The following MBNL3 variants were observed in gnomAD, a reference collection of about 807,000 sequenced individuals.
MBNL3 encodes the protein muscleblind like splicing regulator 3.
A neutral mutation model predicts 24.5 loss-of-function variants in MBNL3; 6 were observed. The observed-to-expected ratio is 0.25, with a 90% confidence interval of 0.13 to 0.48. The LOEUF is 0.48. MBNL3 is among the 20% of genes least tolerant of loss of function. The pLI, the probability that MBNL3 is intolerant of heterozygous loss-of-function variation, is 0.99. For missense variants in MBNL3, 230 were observed against 293.5 expected, an observed-to-expected ratio of 0.78 and a Z score of 1.58; for synonymous variants, 100 against 101.7, an observed-to-expected ratio of 0.98 and a Z score of 0.10.
At chrX:132,436,090 A>C (rs1945101719) in intron 2 of MBNL3, among the ~76,000 whole-genome samples, 1 of 112,138 alleles carries the variant, frequency 8.9e-6, no homozygotes, top group Admixed American at 9.4e-5. Context: ...ATCAATGGCA[A>C]ACTGTAATAT....
intron 1 of MBNL3, among the ~76,000 whole-genome samples, chrX:132,464,164 A>T (rs1188874889): frequency 8.9e-6 from 1 of 112,611 alleles, no homozygotes; most frequent in Non-Finnish European, 1.9e-5. Flanking sequence ...TCAAAATACA[A>T]GTCCTTGTTT....
In MBNL3 at chrX:132,379,692, A is replaced by G. The variant is rs1934485288; in HGVS notation, c.1054-15T>C. 4.4e-6 allele frequency: 5 copies of G among 1,145,382 alleles called. No individual in the cohort carries two copies. Among genetic ancestry groups the G allele is most frequent in the Admixed American group, 4.5e-5 (2 of 44,815 alleles). The allele number at this position is 1,145,382 out of a possible 1,213,427, so 94.4% of individuals were successfully genotyped here. A position where few individuals can be genotyped will look rare whatever the true frequency, so the allele number is the denominator to read the frequency against. ...CAGAATTTCAGCTGAAATGGAAAAA[A>G]AAAGAAAGAAAGAAAGAGTGAGAAA... is the stretch of plus-strand genomic sequence containing the variant. On this transcript the variant is annotated splice_polypyrimidine_tract_variant and intron_variant, in intron 8 of 8. Transcript: ENST00000370853.
chrX:132,390,114 A>G (rs187971034), intron 5 of MBNL3, among the ~76,000 whole-genome samples: 17 of 107,945 alleles, frequency 1.6e-4, no homozygotes, highest in Non-Finnish European at 2.7e-4. Context: ...AATTGCTTGA[A>G]CCTGGGAGGC....
intron 7 of MBNL3, 74 bp downstream of exon 7, chrX:132,384,589 A>G (rs1353680827): frequency 3.2e-6 from 3 of 937,493 alleles, no homozygotes; most frequent in East Asian, 3.3e-5. Flanking sequence ...TCAGTCATTC[A>G]TCTTTCATAG....
chrX:132,443,534 G>A (rs946199830), intron 1 of MBNL3, among the ~76,000 whole-genome samples: 3 of 111,947 alleles, frequency 2.7e-5, no homozygotes, highest in African/African-American at 9.7e-5. Context: ...TATGTGCCAG[G>A]CATTGTTCTA....
In MBNL3 at chrX:132,369,849, C is replaced by A. The variant is rs1933458820; in HGVS notation, c.*9817G>T. 8.9e-6 allele frequency: 1 copy of A among 112,324 alleles called. No individual in the cohort carries two copies. The highest frequency in any genetic ancestry group is 3.2e-5 in the African/African-American group (1 of 30,862). The allele number at this position is 112,324 out of a possible 1,213,427, so 9.3% of individuals were successfully genotyped here. A position where few individuals can be genotyped will look rare whatever the true frequency, so the allele number is the denominator to read the frequency against. ...GTTGCACTTTGCACCGGATGCCCTG[C>A]CTGCCTTTTCACTGTGTTCTTTCCA... On this transcript the variant is annotated 3_prime_UTR_variant, in exon 9 of 9. Transcript: ENST00000370853.
chrX:132,444,789 G>GA (rs767373954), intron 1 of MBNL3, among the ~76,000 whole-genome samples: 1 of 110,408 alleles, frequency 9.1e-6, no homozygotes, highest in African/African-American at 3.3e-5. Flanking sequence ...TGCAACCTTT[G>GA]AAAAAAAAGA....
intron 1 of MBNL3, among the ~76,000 whole-genome samples, chrX:132,467,266 G>A (rs1433812384): frequency 9.0e-6 from 1 of 111,545 alleles, no homozygotes; most frequent in African/African-American, 3.3e-5. Context: ...TAAAAGGCAC[G>A]CCAATAATTA....
intron 1 of MBNL3, among the ~76,000 whole-genome samples, chrX:132,462,973 G>A (rs1946702409): frequency 9.0e-6 from 1 of 111,432 alleles, no homozygotes; most frequent in South Asian, 3.8e-4. Context: ...TAAGCATAGG[G>A]CCCAGAGCTT....
intron 2 of MBNL3, chrX:132,411,192 T>C: frequency 1.3e-6 from 1 of 754,209 alleles, no homozygotes; most frequent in Non-Finnish European, 1.6e-6. Context: ...GTACCCACCT[T>C]CTTCATGCTG....
At chrX:132,395,909 A>T (rs1938101333) in intron 3 of MBNL3, among the ~76,000 whole-genome samples, 1 of 111,262 alleles carries the variant, frequency 9.0e-6, no homozygotes, top group Non-Finnish European at 1.9e-5. Context: ...CTGGTTAAGA[A>T]TCTCTGTTCT....
At chrX:132,474,574 A>C (rs1292415821) in intron 1 of MBNL3, among the ~76,000 whole-genome samples, 1 of 111,658 alleles carries the variant, frequency 9.0e-6, no homozygotes. Context: ...GTTCTGTATG[A>C]ATTACTTGAT....
At position 132,449,464 on chromosome X, in the gene MBNL3, C is replaced by CTTTTTTTTTTTTTTTTT. The variant is rs751006249; in HGVS notation, c.-703-9167_-703-9151dup. Reference sequence around the variant, plus strand: ...TCAGAGACTAGGATTGCAACCCCTGCTTTTTTTTTTTTTTTTTTTTTTTGC... The same window carrying CTTTTTTTTTTTTTTTTT: ...TCAGAGACTAGGATTGCAACCCCTGCTTTTTTTTTTTTTTTTTTTTTTTTTTTTTTTTTTTTTTTTGC... On this transcript the variant is annotated intron_variant, in intron 1 of 8. Transcript: ENST00000370853. Among the ~76,000 whole-genome samples, 13 of 29,783 alleles carry CTTTTTTTTTTTTTTTTT rather than the reference C, an allele frequency of 4.4e-4. 1 individual carries two copies. The highest frequency in any genetic ancestry group is 5.7e-4 in the Non-Finnish European group (11 of 19,206). The allele number at this position is 29,783 out of a possible 115,157, so 25.9% of individuals were successfully genotyped here.
chrX:132,476,835 C>A (rs976035708), intron 1 of MBNL3, among the ~76,000 whole-genome samples: 2 of 111,432 alleles, frequency 1.8e-5, no homozygotes, highest in African/African-American at 6.5e-5. Flanking sequence ...AGGTAGCTGA[C>A]ACCCAAAACA....
chrX:132,385,283 T>A lies in MBNL3; in HGVS notation c.923-585A>T, dbSNP rs190080094. 2.4e-3 allele frequency among the ~76,000 whole-genome samples: 271 copies of A among 111,322 alleles called. 1 individual carries two copies. The highest frequency in any genetic ancestry group is 8.2e-3 in the African/African-American group (253 of 30,685). On this transcript the variant is annotated intron_variant, in intron 6 of 8. Transcript: ENST00000370853. ...TATGTTGGCCAAATCTGGCAAAAAATTCAAACTTGGAAACAAAGTAACTGT... is the reference window on the plus strand; with the variant it reads ...TATGTTGGCCAAATCTGGCAAAAAAATCAAACTTGGAAACAAAGTAACTGT...
intron 1 of MBNL3, among the ~76,000 whole-genome samples, chrX:132,443,787 G>A (rs748336689): frequency 9.0e-6 from 1 of 111,448 alleles, no homozygotes; most frequent in South Asian, 3.8e-4. Context: ...TAGAAGTTAA[G>A]TCATCAAGAG....
At chrX:132,426,685 C>T (rs192382272) in intron 2 of MBNL3, among the ~76,000 whole-genome samples, 2 of 111,576 alleles carry the variant, frequency 1.8e-5, no homozygotes, top group Non-Finnish European at 3.8e-5. Context: ...CTTCAACCAC[C>T]ACTGCTGAAT....
intron 1 of MBNL3, among the ~76,000 whole-genome samples, chrX:132,455,482 A>G: frequency 8.9e-6 from 1 of 112,113 alleles, no homozygotes; most frequent in South Asian, 3.7e-4. Flanking sequence ...TGGGCTCATA[A>G]TAGAGTTATC....
At chrX:132,419,019 C>T (rs1381568096) in intron 2 of MBNL3, among the ~76,000 whole-genome samples, 1 of 112,879 alleles carries the variant, frequency 8.9e-6, no homozygotes, top group Non-Finnish European at 1.9e-5. Context: ...AGCGATCCAC[C>T]TGCCTCAGCC....
Sources: allele counts gnomAD v4.1 joint callset (sites outside exome capture counted in the v4.1 genomes callset), GRCh38; gene constraint gnomAD v4.1.1; transcripts MANE v1.5; gene names NCBI Gene and HGNC (gene_info 2026-07-23, HGNC 2026-07-21).